The following EHD1 variants were observed in gnomAD, a reference collection of about 807,000 sequenced individuals.
EHD1 encodes EH domain-containing protein 1.
In EHD1, 19 loss-of-function variants were observed where a neutral mutation model predicts 39.0. The observed-to-expected ratio is 0.49, with a 90% CI of 0.34 to 0.72. The LOEUF is 0.72. EHD1 is among the 30% of genes least tolerant of loss of function. EHD1 has a pLI of 0.01. For missense variants in EHD1, 542 were observed against 751.5 expected, an observed-to-expected ratio of 0.72 and a Z score of 3.26; for synonymous variants, 323 against 331.2, an observed-to-expected ratio of 0.98 and a Z score of 0.27.
chr11:64,856,142 C>G (rs891370797), intron 3 of EHD1: 1 of 154,944 alleles, frequency 6.5e-6, no homozygotes, highest in African/African-American at 2.4e-5. Flanking sequence ...CATGGAGGAG[C>G]TGGGATTGGA....
intron 3 of EHD1, among the ~76,000 whole-genome samples, chr11:64,857,693 G>A (rs978607443): frequency 3.3e-5 from 5 of 152,150 alleles, no homozygotes; most frequent in African/African-American, 9.7e-5. Flanking sequence ...AGACAGAGTG[G>A]GTACGAGGGC....
At chr11:64,856,266 G>C (rs1943652518) in intron 3 of EHD1, 1 of 152,478 alleles carries the variant, frequency 6.6e-6, no homozygotes. Context: ...CTTCCTGCAG[G>C]GCCCACCAGC....
intron 2 of EHD1, among the ~76,000 whole-genome samples, chr11:64,869,636 G>A (rs1943806632): frequency 6.6e-6 from 1 of 152,196 alleles, no homozygotes; most frequent in Non-Finnish European, 1.5e-5. Context: ...CAGCTCCCAG[G>A]GACTACAGCA....
chr11:64,865,228 C>T (rs896849617), intron 2 of EHD1, among the ~76,000 whole-genome samples: 2 of 152,264 alleles, frequency 1.3e-5, no homozygotes, highest in African/African-American at 4.8e-5. Context: ...CCCCACCAGG[C>T]CCACCGGCGC....
chr11:64,877,788 A>G, intron 1 of EHD1: 1 of 363,636 alleles, frequency 2.7e-6, no homozygotes, highest in Non-Finnish European at 4.9e-6. Context: ...TGCTGAGGGG[A>G]GTGGGGCTGG....
At chr11:64,867,913 C>A (rs957347351) in intron 2 of EHD1, among the ~76,000 whole-genome samples, 1 of 152,226 alleles carries the variant, frequency 6.6e-6, no homozygotes, top group Non-Finnish European at 1.5e-5. Flanking sequence ...CCTCTCATGG[C>A]GACCCGCGTC....
intron 1 of EHD1, chr11:64,875,701 C>G (rs1457224090): frequency 6.6e-6 from 1 of 152,360 alleles, no homozygotes; most frequent in African/African-American, 2.4e-5. Flanking sequence ...CCCCATCCCC[C>G]AGTGACCAGG....
rs766903315 is a variant in EHD1 at position 64,874,524 on chromosome 11, T to C, written c.405-6A>G. On this transcript the variant is annotated splice_polypyrimidine_tract_variant and splice_region_variant and intron_variant, in intron 1 of 4. Transcript: ENST00000320631. ...GCAGCTGGGCACACATGAACCTACA[T>C]GAGAGCAAGAGCCAGAAGAGAGGCG... The C allele has an allele frequency of 5.0e-6, 8 of 1,599,558 alleles. No homozygotes were observed. In the South Asian group the frequency reaches 9.0e-5, roughly 18 times the overall value.
chr11:64,870,177 G>T (rs1481460159), intron 2 of EHD1, among the ~76,000 whole-genome samples: 1 of 152,172 alleles, frequency 6.6e-6, no homozygotes, highest in East Asian at 1.9e-4. Context: ...ACAGAGGGTG[G>T]CCTCTGTGTG....
chr11:64,878,513 G>C lies in EHD1; in HGVS notation c.-49C>G. The C allele has an allele frequency of 6.5e-7, 1 of 1,541,722 alleles. No individual in the cohort carries two copies. The stretch of plus-strand genomic sequence containing the variant: ...CTGCGGGGCAGAGCGGCGGCTGAGA[G>C]CGGGGCGAGGGTGCGGAGCCGAGGC... On this transcript the variant is annotated 5_prime_UTR_variant, in exon 1 of 5. Transcript: ENST00000320631.
At chr11:64,865,094 A>G (rs748472786) in intron 2 of EHD1, among the ~76,000 whole-genome samples, 3 of 152,248 alleles carry the variant, frequency 2.0e-5, no homozygotes, top group Non-Finnish European at 4.4e-5. Flanking sequence ...TTTCCTGTTT[A>G]TTACAGAAAA....
chr11:64,879,258 G>A (rs1943927717), upstream of EHD1: 2 of 1,066,386 alleles, frequency 1.9e-6, no homozygotes, highest in South Asian at 2.7e-5. Flanking sequence ...AATGGGCAGC[G>A]AGAGGCCTGA....
intron 2 of EHD1, among the ~76,000 whole-genome samples, chr11:64,869,470 G>A (rs922465023): frequency 1.2e-4 from 18 of 152,236 alleles, no homozygotes; most frequent in Non-Finnish European, 2.5e-4. Flanking sequence ...TCAGATCACC[G>A]TCTGGAAAGC....
At chr11:64,866,364 C>T (rs1176250587) in intron 2 of EHD1, among the ~76,000 whole-genome samples, 1 of 152,074 alleles carries the variant, frequency 6.6e-6, no homozygotes, top group Non-Finnish European at 1.5e-5. Context: ...CAACAGACAC[C>T]AGGGCCTACT....
At chr11:64,875,053 G>A (rs576531200) in intron 1 of EHD1, among the ~76,000 whole-genome samples, 5 of 152,348 alleles carry the variant, frequency 3.3e-5, no homozygotes, top group Admixed American at 2.0e-4. Context: ...ACGGTGGGAC[G>A]GAGAAGCACA....
At chr11:64,860,718 GAAAA>G (rs138106545) in intron 2 of EHD1, among the ~76,000 whole-genome samples, 12 of 110,314 alleles carry the variant, frequency 1.1e-4, no homozygotes, top group African/African-American at 3.7e-4. Context: ...AAACTGTCGC[GAAAA>G]AAAAAAAAAA....
chr11:64,878,651 T>C (rs962767531), upstream of EHD1: 38 of 1,390,062 alleles, frequency 2.7e-5, no homozygotes, highest in East Asian at 1.0e-3. Flanking sequence ...GCGGCCTTTA[T>C]AGGGTCGGTC....
chr11:64,879,662 A>G, upstream of EHD1: 1 of 1,550,878 alleles, frequency 6.4e-7, no homozygotes, highest in Non-Finnish European at 8.7e-7. Context: ...CTCCCCGGCC[A>G]CACACAGACC....
chr11:64,854,835 A>C lies in EHD1; in HGVS notation c.1103T>G (p.Phe368Cys), dbSNP rs1314155782. Residue 368 changes from phenylalanine (F) to cysteine (C), a missense_variant, in exon 5 of 5, where the codon TTC (phenylalanine) becomes TGC (cysteine). Coordinates refer to ENST00000320631, the MANE Select transcript of EHD1 (RefSeq NM_006795.4). ...GGGCTTCAGCGCCTGGAACTTGCTG[A>C]AGTCCTGGGTCTGCAGGAGTTCCTG... Reference protein sequence around the residue: ...KMQELLQTQDFSKFQALKPKL... With the variant: ...KMQELLQTQDCSKFQALKPKL... The C allele has an allele frequency of 6.3e-7, 1 of 1,599,816 alleles. No individual in the cohort carries two copies. Among genetic ancestry groups the C allele is most frequent in the Non-Finnish European group, 8.5e-7 (1 of 1,179,678 alleles).
Sources: allele counts gnomAD v4.1 joint callset (sites outside exome capture counted in the v4.1 genomes callset), GRCh38; gene constraint gnomAD v4.1.1; transcripts MANE v1.5; gene names NCBI Gene and HGNC (gene_info 2026-07-23, HGNC 2026-07-21).